Variants in USH2A observed in about 807,000 individuals in gnomAD.
The protein encoded by USH2A is usherin.
A neutral mutation model predicts 538.9 loss-of-function variants in USH2A; 443 were observed. That is an observed-to-expected ratio of 0.82 (90% CI 0.76 to 0.89). The LOEUF (loss-of-function observed/expected upper bound fraction) is 0.89, where lower values mean the gene tolerates loss of function less well. USH2A is among the 40% of genes least tolerant of loss of function. The pLI, the probability that USH2A is intolerant of heterozygous loss-of-function variation, is 0.00. For missense variants in USH2A, 6,633 were observed against 6,324.8 expected (o/e 1.05, Z -1.65); for synonymous variants, 2,413 against 2,273.5 (o/e 1.06, Z -1.75).
chr1:215,757,786 C>A (rs1001215579), intron 58 of USH2A, among the ~76,000 whole-genome samples: 1 of 152,130 alleles, frequency 6.6e-6, no homozygotes, highest in African/African-American at 2.4e-5. Flanking sequence ...TCAATGAAGG[C>A]TATTCAGCTT....
chr1:216,061,763 A>T (rs891065340), intron 30 of USH2A, among the ~76,000 whole-genome samples: 5 of 152,202 alleles, frequency 3.3e-5, no homozygotes, highest in Non-Finnish European at 5.9e-5. Context: ...CTAAAACGAG[A>T]CCAGGCAGAG....
At chr1:215,659,019 G>A (rs897844364) in intron 64 of USH2A, among the ~76,000 whole-genome samples, 1 of 152,226 alleles carries the variant, frequency 6.6e-6, no homozygotes, top group African/African-American at 2.4e-5. Context: ...CTATATGCCA[G>A]ATGCTGTTCT....
intron 60 of USH2A, among the ~76,000 whole-genome samples, chr1:215,733,982 G>A (rs374740256): frequency 8.7e-4 from 133 of 152,262 alleles, no homozygotes; most frequent in African/African-American, 2.5e-3. Context: ...AACAGACAGC[G>A]CCCTGATGGA....
At chr1:216,299,690 AT>A (rs2037177414) in intron 9 of USH2A, among the ~76,000 whole-genome samples, 1 of 152,164 alleles carries the variant, frequency 6.6e-6, no homozygotes, top group Non-Finnish European at 1.5e-5. Flanking sequence ...GAAAATTAAT[AT>A]GTTTCAGTTT....
chr1:216,332,378 C>G (rs988708542), intron 4 of USH2A, among the ~76,000 whole-genome samples: 4 of 152,072 alleles, frequency 2.6e-5, no homozygotes, highest in Non-Finnish European at 4.4e-5. Context: ...AACAAACAAT[C>G]CAAAATACTT....
intron 15 of USH2A, 88 bp from the exon 16 acceptor site, chr1:216,207,519 T>C (rs941980140): frequency 6.6e-7 from 1 of 1,523,756 alleles, no homozygotes; most frequent in Non-Finnish European, 9.1e-7. Flanking sequence ...AAAGAGGTCT[T>C]TCTGATTCAG....
At chr1:216,217,289 C>T in intron 15 of USH2A, 98 bp downstream of exon 15, 1 of 1,490,224 alleles carries the variant, frequency 6.7e-7, no homozygotes, top group East Asian at 2.4e-5. Context: ...TTGTACTAAG[C>T]CTTTCTGATG....
At chr1:216,006,466 A>G (rs4471233) in intron 32 of USH2A, among the ~76,000 whole-genome samples, 65,354 of 151,998 alleles carry the variant, frequency 0.43, 15,369 homozygotes, top group East Asian at 0.7. Flanking sequence ...GTCCTCTTCT[A>G]TATGGCTATC....
chr1:216,315,325 G>A (rs933304580), intron 9 of USH2A, among the ~76,000 whole-genome samples: 2 of 152,070 alleles, frequency 1.3e-5, no homozygotes, highest in Non-Finnish European at 2.9e-5. Context: ...GGGGTGAGGT[G>A]GGATTTAAAA....
At position 216,207,291 on chromosome 1, in the gene USH2A, C is replaced by G. The variant is rs1167805060; in HGVS notation, c.3298G>C (p.Glu1100Gln). ...LRDGFEIYTT[E>Q]DQYPYSIQYF... ...AACTCACTGTATGGGTATTGATCCT[C>G]TGTTGTGTAGATTTCAAAACCATCC... is the stretch of plus-strand genomic sequence containing the variant. The change falls in exon 16 of 72, where the codon GAG becomes CAG. Residue 1100 changes from glutamate (E) to glutamine (Q), a missense_variant. Transcript: ENST00000307340. 3.7e-6 allele frequency: 6 copies of G among 1,613,872 alleles called. No homozygotes were observed. The highest frequency in any genetic ancestry group is 4.2e-6 in the Non-Finnish European group (5 of 1,179,936).
In USH2A at chr1:216,260,573, A is replaced by T. The variant is rs576662831; in HGVS notation, c.1972-9475T>A. Among the ~76,000 whole-genome samples the T allele has an allele frequency of 4.6e-5, 7 of 152,260 alleles. No homozygotes were observed. The East Asian group carries it at 1.4e-3, about 29-fold the overall frequency. ...ACATATCCATCCCTCACAACAAATT[A>T]CCCAGCCCAGAATAGCCATAGTGCC... On this transcript the variant is annotated intron_variant, in intron 11 of 71. Transcript: ENST00000307340.
intron 15 of USH2A, among the ~76,000 whole-genome samples, chr1:216,216,390 T>C (rs1442521475): frequency 2.0e-5 from 3 of 152,096 alleles, no homozygotes; most frequent in African/African-American, 4.8e-5. Flanking sequence ...CCTCAAAATC[T>C]AGTACAGTTG....
At position 215,726,629 on chromosome 1, in the gene USH2A, G is replaced by A. The variant is rs113167367; in HGVS notation, c.12066+1401C>T. Reference sequence around the variant, plus strand: ...TTAAAGCATAGAAACATAGTTTTTTGGTTTTTTTATAAATGCTTTAGTTTG... The same window carrying A: ...TTAAAGCATAGAAACATAGTTTTTTAGTTTTTTTATAAATGCTTTAGTTTG... On this transcript the variant is annotated intron_variant, in intron 61 of 71. Transcript: ENST00000307340. 8.8e-4 allele frequency among the ~76,000 whole-genome samples: 134 copies of A among 151,932 alleles called. 1 individual carries two copies. The highest frequency in any genetic ancestry group is 3.1e-3 in the African/African-American group (129 of 41,476).
chr1:215,954,613 T>G (rs190052844), intron 37 of USH2A, among the ~76,000 whole-genome samples: 76 of 151,700 alleles, frequency 5.0e-4, no homozygotes, highest in African/African-American at 1.8e-3. Flanking sequence ...TACCCAGTGT[T>G]AAATGACGAG....
chr1:215,878,629 A>G (rs985022315), intron 42 of USH2A, 135 bp downstream of exon 42: 5 of 834,916 alleles, frequency 6.0e-6, no homozygotes, highest in South Asian at 1.5e-5. Flanking sequence ...ATAGTGTATG[A>G]AAGTTATGAG....
At position 215,741,368 on chromosome 1, in the gene USH2A, A is replaced by G. The variant is rs1369982765; in HGVS notation, c.11711+7T>C. 6.2e-7 allele frequency: 1 copy of G among 1,613,972 alleles called. No individual in the cohort carries two copies. Among genetic ancestry groups the G allele is most frequent in the African/African-American group, 1.3e-5 (1 of 74,916 alleles). On this transcript the variant is annotated splice_region_variant and intron_variant, in intron 60 of 71. Coordinates refer to ENST00000307340, the MANE Select transcript of USH2A (RefSeq NM_206933.4). ...TAACTAAAAATAATAGTAACAGCCA[A>G]TCTTACCTGTAAATAAAGTAGTTGA...
chr1:215,644,893 A>G (rs1377543702), intron 67 of USH2A, among the ~76,000 whole-genome samples: 1 of 152,190 alleles, frequency 6.6e-6, no homozygotes, highest in Non-Finnish European at 1.5e-5. Context: ...TTGCTTTAAC[A>G]TTAGAAGGGT....
At chr1:216,073,820 T>C (rs1295056937) in intron 27 of USH2A, among the ~76,000 whole-genome samples, 1 of 152,230 alleles carries the variant, frequency 6.6e-6, no homozygotes, top group East Asian at 1.9e-4. Flanking sequence ...AATATATTAG[T>C]CCTGAAATAT....
At chr1:215,851,559 AC>A (rs1425557045) in intron 44 of USH2A, among the ~76,000 whole-genome samples, 1 of 152,188 alleles carries the variant, frequency 6.6e-6, no homozygotes, top group Non-Finnish European at 1.5e-5. Flanking sequence ...AACGTTACCA[AC>A]AAAAAAAGTC....
Sources: gnomAD v4.1 joint callset for allele counts (sites outside exome capture counted in the v4.1 genomes callset) on GRCh38, gnomAD v4.1.1 for gene constraint, MANE v1.5 for transcripts, NCBI Gene and HGNC (gene_info 2026-07-23, HGNC 2026-07-21) for gene names.